Variants in GOLM2 observed in about 807,000 individuals in gnomAD.
GOLM2 encodes the protein golgi membrane protein 2, also known as protein GOLM2.
A neutral mutation model predicts 55.9 loss-of-function variants in GOLM2; 26 were observed. The observed-to-expected ratio is 0.47, with a 90% CI of 0.34 to 0.65. GOLM2 has a LOEUF of 0.65. Among genes scored for constraint, GOLM2 ranks in the 30% least tolerant of loss-of-function variants. The pLI, the probability that GOLM2 is intolerant of heterozygous loss-of-function variation, is 0.01. For missense variants in GOLM2, 486 were observed against 531.8 expected (o/e 0.91, Z 0.85); for synonymous variants, 165 against 194.6 (o/e 0.85, Z 1.27).
intron 6 of GOLM2, among the ~76,000 whole-genome samples, chr15:44,354,460 TAAAA>T (rs970364531): frequency 2.0e-5 from 3 of 150,854 alleles, no homozygotes; most frequent in African/African-American, 7.3e-5. Flanking sequence ...AATAATAAAA[TAAAA>T]ATAAATAAAT....
chr15:44,331,956 A>G (rs1188369305), intron 3 of GOLM2, 32 bp from the exon 4 acceptor site: 5 of 1,425,012 alleles, frequency 3.5e-6, no homozygotes, highest in Middle Eastern at 2.2e-4. Context: ...ATCCAAGATA[A>G]TATAATCTAA....
At chr15:44,294,711 CAAAA>C (rs1415785686) in intron 1 of GOLM2, among the ~76,000 whole-genome samples, 1 of 47,124 alleles carries the variant, frequency 2.1e-5, no homozygotes. Context: ...GACTCCATCT[CAAAA>C]AAAAAAAAAA....
chr15:44,294,343 T>C (rs2078741164), intron 1 of GOLM2, among the ~76,000 whole-genome samples: 1 of 151,778 alleles, frequency 6.6e-6, no homozygotes, highest in African/African-American at 2.4e-5. Context: ...TTTGGGAGGC[T>C]GAGGCTAGTG....
At chr15:44,293,992 C>T (rs2078738737) in intron 1 of GOLM2, among the ~76,000 whole-genome samples, 1 of 152,128 alleles carries the variant, frequency 6.6e-6, no homozygotes, top group South Asian at 2.1e-4. Context: ...TTATTTTGTA[C>T]TTTGGCTTAT....
At chr15:44,302,139 A>C (rs1213987731) in intron 1 of GOLM2, among the ~76,000 whole-genome samples, 3 of 151,382 alleles carry the variant, frequency 2.0e-5, no homozygotes, top group African/African-American at 7.3e-5. Context: ...TCTCTTTTTT[A>C]CATTTAATTT....
At chr15:44,379,036 C>T (rs749122125) in intron 6 of GOLM2, among the ~76,000 whole-genome samples, 20 of 152,252 alleles carry the variant, frequency 1.3e-4, no homozygotes, top group South Asian at 4.1e-4. Flanking sequence ...TGAGCCACTG[C>T]GCCCAGTCCA....
intron 6 of GOLM2, among the ~76,000 whole-genome samples, chr15:44,373,820 G>C (rs958928958): frequency 6.6e-6 from 1 of 152,036 alleles, no homozygotes; most frequent in Non-Finnish European, 1.5e-5. Flanking sequence ...TATCCAATTG[G>C]CTGGGTGCGA....
intron 6 of GOLM2, among the ~76,000 whole-genome samples, chr15:44,372,822 C>T (rs1362383825): frequency 6.6e-6 from 1 of 151,914 alleles, no homozygotes; most frequent in African/African-American, 2.4e-5. Flanking sequence ...AACACTTTTT[C>T]CTCACTCCTT....
At chr15:44,395,713 G>A (rs545543084) in intron 8 of GOLM2, among the ~76,000 whole-genome samples, 21 of 151,744 alleles carry the variant, frequency 1.4e-4, no homozygotes, top group African/African-American at 4.6e-4. Context: ...GGTGGTACGC[G>A]CCTGTAGTCC....
At chr15:44,383,071 T>C (rs1050583994) in intron 8 of GOLM2, among the ~76,000 whole-genome samples, 1 of 151,242 alleles carries the variant, frequency 6.6e-6, no homozygotes, top group African/African-American at 2.4e-5. Context: ...CATTCCTTTT[T>C]ACTTAATTTA....
At chr15:44,323,620 A>G (rs1320972083) in intron 2 of GOLM2, among the ~76,000 whole-genome samples, 2 of 150,538 alleles carry the variant, frequency 1.3e-5, no homozygotes, top group African/African-American at 4.9e-5. Context: ...CATAGCTGTT[A>G]GCCTTTGAAG....
chr15:44,349,844 T>G (rs183551548), intron 6 of GOLM2, among the ~76,000 whole-genome samples: 18 of 152,326 alleles, frequency 1.2e-4, no homozygotes, highest in Non-Finnish European at 2.9e-5. Flanking sequence ...AGAGGCATTT[T>G]GGGAACTATA....
At chr15:44,378,698 G>A (rs2079381406) in intron 6 of GOLM2, among the ~76,000 whole-genome samples, 1 of 152,180 alleles carries the variant, frequency 6.6e-6, no homozygotes, top group South Asian at 2.1e-4. Flanking sequence ...TTTGTGCTAT[G>A]CATATAAAAA....
intron 7 of GOLM2, 58 bp downstream of exon 7, chr15:44,379,846 T>G (rs1047264975): frequency 2.8e-5 from 26 of 927,004 alleles, no homozygotes; most frequent in Non-Finnish European, 4.4e-5. Context: ...CATGTACAGT[T>G]ATATAGTGTA....
At chr15:44,401,836 T>C (rs1467560491) in intron 8 of GOLM2, among the ~76,000 whole-genome samples, 3 of 150,856 alleles carry the variant, frequency 2.0e-5, no homozygotes, top group African/African-American at 4.9e-5. Context: ...TTTCTTTTTT[T>C]TTTTTTTTTT....
chr15:44,352,178 G>A lies in GOLM2; in HGVS notation c.802+13861G>A, dbSNP rs565906731. Among the ~76,000 whole-genome samples, 30 of 152,238 alleles carry A rather than the reference G, an allele frequency of 2.0e-4. No individual in the cohort carries two copies. In the South Asian group the frequency reaches 6.2e-3, roughly 32 times the overall value. ...TAACCTGACTTCAAATTATACTACA[G>A]AGCCGTAGTAACCAAAACAGCATGG... On this transcript the variant is annotated intron_variant, in intron 6 of 9. Coordinates refer to ENST00000299957, the MANE Select transcript of GOLM2 (RefSeq NM_138423.4).
At chr15:44,310,385 C>T (rs2078865186) in intron 1 of GOLM2, among the ~76,000 whole-genome samples, 1 of 151,348 alleles carries the variant, frequency 6.6e-6, no homozygotes, top group East Asian at 1.9e-4. Flanking sequence ...GCGGGAATCT[C>T]TCTGAGATTA....
chr15:44,322,723 A>G (rs2078959204), intron 1 of GOLM2, among the ~76,000 whole-genome samples: 1 of 152,190 alleles, frequency 6.6e-6, no homozygotes, highest in Non-Finnish European at 1.5e-5. Context: ...GTTCAGTTCA[A>G]ACTTTAAAAC....
intron 6 of GOLM2, among the ~76,000 whole-genome samples, chr15:44,372,388 C>T (rs1053935067): frequency 6.6e-6 from 1 of 152,086 alleles, no homozygotes; most frequent in Non-Finnish European, 1.5e-5. Flanking sequence ...AGATTATAGC[C>T]CTGCTGTTAG....
Sources: allele counts gnomAD v4.1 joint callset (sites outside exome capture counted in the v4.1 genomes callset), GRCh38; gene constraint gnomAD v4.1.1; transcripts MANE v1.5; gene names NCBI Gene and HGNC (gene_info 2026-07-23, HGNC 2026-07-21).